The following ADARB2 variants were observed in gnomAD, a reference collection of about 807,000 sequenced individuals.
ADARB2 encodes the protein adenosine deaminase RNA specific B2 (inactive), also known as inactive double-stranded RNA-specific editase B2.
ADARB2 carries 25 observed loss-of-function variants against 62.2 expected under a neutral mutation model. That is an observed-to-expected ratio of 0.40 (90% CI 0.29 to 0.56). The LOEUF (loss-of-function observed/expected upper bound fraction) is 0.56, where lower values mean the gene tolerates loss of function less well. ADARB2 is among the 20% of genes least tolerant of loss of function. The pLI is 0.43. For synonymous variants in ADARB2, 572 were observed against 500.8 expected (o/e 1.14, Z -1.90); for missense variants, 1,071 against 1,077.4 (o/e 0.99, Z 0.08).
chr10:1,240,182 GCCTCCCGGTGTTTACTCCCCCCTC>G (rs1830897916), intron 5 of ADARB2, among the ~76,000 whole-genome samples: 2 of 10,604 alleles, frequency 1.9e-4, no homozygotes, highest in Non-Finnish European at 1.5e-4. Context: ...ACTCCCCTCT[GCCTCCCGGTGTTTACTCCCCCCTC>G]CCTCCCGGTG....
At chr10:1,631,658 C>T (rs768249203) in intron 1 of ADARB2, among the ~76,000 whole-genome samples, 18 of 152,152 alleles carry the variant, frequency 1.2e-4, no homozygotes, top group Non-Finnish European at 2.4e-4. Context: ...TGTCTGTCTA[C>T]TGGAGATCTT....
chr10:1,310,855 T>A (rs1248306577), intron 3 of ADARB2, among the ~76,000 whole-genome samples: 1 of 152,216 alleles, frequency 6.6e-6, no homozygotes, highest in African/African-American at 2.4e-5. Context: ...TAACTTGGAT[T>A]AAAAATAAGT....
intron 3 of ADARB2, among the ~76,000 whole-genome samples, chr10:1,305,511 C>T (rs1831618640): frequency 6.6e-6 from 1 of 151,996 alleles, no homozygotes; most frequent in African/African-American, 2.4e-5. Flanking sequence ...GAAACTATTC[C>T]AATCAATAGA....
chr10:1,284,859 G>T (rs185576318), intron 3 of ADARB2, among the ~76,000 whole-genome samples: 3 of 152,134 alleles, frequency 2.0e-5, no homozygotes, highest in Non-Finnish European at 4.4e-5. Flanking sequence ...GGGAGAGGAA[G>T]GTGGGCCTTA....
At chr10:1,594,108 A>C (rs956024436) in intron 1 of ADARB2, among the ~76,000 whole-genome samples, 5 of 152,042 alleles carry the variant, frequency 3.3e-5, no homozygotes, top group African/African-American at 1.2e-4. Context: ...TGGCCAACAT[A>C]GTGAAACCCT....
chr10:1,672,738 C>T lies in ADARB2; in HGVS notation c.100+64313G>A, dbSNP rs113342032. Reference sequence around the variant, plus strand: ...TGCCTCCTCCACGCACCGCAAGGCTCCTGCCTCCCTCCCTCCACGCACACA... The same window carrying T: ...TGCCTCCTCCACGCACCGCAAGGCTTCTGCCTCCCTCCCTCCACGCACACA... On this transcript the variant is annotated intron_variant, in intron 1 of 9. Transcript: ENST00000381312. Among the ~76,000 whole-genome samples the T allele has an allele frequency of 1.7e-3, 209 of 123,696 alleles. 1 individual carries two copies. Among genetic ancestry groups the T allele is most frequent in the Middle Eastern group, 4.5e-3 (1 of 224 alleles). 81.1% of individuals were successfully genotyped at this position (123,696 alleles called of 152,430 possible).
At chr10:1,376,226 A>G (rs1179307587) in intron 2 of ADARB2, among the ~76,000 whole-genome samples, 1 of 151,482 alleles carries the variant, frequency 6.6e-6, no homozygotes, top group Non-Finnish European at 1.5e-5. Context: ...AATCTATGAA[A>G]ATAAAGTAAA....
chr10:1,516,179 T>A (rs931368461), intron 1 of ADARB2, among the ~76,000 whole-genome samples: 3 of 152,132 alleles, frequency 2.0e-5, no homozygotes, highest in African/African-American at 7.2e-5. Context: ...CCGGCCTCAT[T>A]GCGGGCTGAC....
At position 1,430,672 on chromosome 10, in the gene ADARB2, G is replaced by A. The variant is rs543061780; in HGVS notation, c.101-51512C>T. Among the ~76,000 whole-genome samples the A allele has an allele frequency of 1.3e-4, 20 of 152,190 alleles. No individual in the cohort carries two copies. In the South Asian group the frequency reaches 3.3e-3, roughly 25 times the overall value. On this transcript the variant is annotated intron_variant, in intron 1 of 9. Coordinates refer to ENST00000381312, the MANE Select transcript of ADARB2 (RefSeq NM_018702.4). ...GGAGAATCACTTGAATCTGGGAGGC[G>A]GAGGTTGCAGTGAGCTGAGATCATG... is the stretch of plus-strand genomic sequence containing the variant.
chr10:1,727,893 TAAATA>T (rs1273737017), intron 1 of ADARB2, among the ~76,000 whole-genome samples: 1 of 152,170 alleles, frequency 6.6e-6, no homozygotes, highest in Non-Finnish European at 1.5e-5. Flanking sequence ...AATAAATAAA[TAAATA>T]AGACTCATGC....
intron 1 of ADARB2, among the ~76,000 whole-genome samples, chr10:1,497,714 A>T (rs570116478): frequency 6.6e-6 from 1 of 152,280 alleles, no homozygotes; most frequent in Non-Finnish European, 1.5e-5. Context: ...AAATAAAATT[A>T]TATATAAATG....
At chr10:1,483,805 ATTTCAAC>A (rs922959046) in intron 1 of ADARB2, among the ~76,000 whole-genome samples, 3 of 111,504 alleles carry the variant, frequency 2.7e-5, no homozygotes, top group Non-Finnish European at 5.9e-5. Flanking sequence ...TGCCATAACC[ATTTCAAC>A]TTTCAAAGTA....
Position 1,363,121 on chromosome 10 carries a change from C to T in ADARB2, c.984G>A (p.Arg328=), listed in dbSNP as rs368208673. The T allele has an allele frequency of 5.9e-4, 909 of 1,544,162 alleles. 4 individuals are homozygous for T. In the African/African-American group the frequency reaches 0.012, roughly 20 times the overall value. ...EGSGRSKKLA[R]GQAAQAALQE... ...GCAGTGCGGCCTGCGCGGCCTGACC[C>T]CGGGCCAGCTTCTTGCTGCGCCCCG... Residue 328 remains arginine, a synonymous_variant, in exon 3 of 10, where the codon CGG becomes CGA. Coordinates refer to ENST00000381312, the MANE Select transcript of ADARB2 (RefSeq NM_018702.4).
intron 1 of ADARB2, among the ~76,000 whole-genome samples, chr10:1,551,987 TG>T (rs1200060410): frequency 6.6e-6 from 1 of 151,920 alleles, no homozygotes; most frequent in Non-Finnish European, 1.5e-5. Flanking sequence ...GTGAGGTGAG[TG>T]AGGCTGAGCG....
chr10:1,648,312 G>A (rs567814840), intron 1 of ADARB2, among the ~76,000 whole-genome samples: 125 of 152,124 alleles, frequency 8.2e-4, no homozygotes, highest in Non-Finnish European at 1.1e-3. Context: ...ACACAACCAG[G>A]CACAAAGTCA....
chr10:1,577,547 T>C (rs1219707210), intron 1 of ADARB2, among the ~76,000 whole-genome samples: 4 of 152,204 alleles, frequency 2.6e-5, no homozygotes, highest in African/African-American at 9.6e-5. Flanking sequence ...ACTGACGTCA[T>C]TGAGACCAGG....
intron 4 of ADARB2, 109 bp downstream of exon 4, chr10:1,270,846 T>C: frequency 1.1e-6 from 1 of 925,170 alleles, no homozygotes; most frequent in African/African-American, 1.7e-5. Flanking sequence ...TCTTTCTTTG[T>C]CACAGCCTGT....
intron 1 of ADARB2, among the ~76,000 whole-genome samples, chr10:1,697,720 G>T: frequency 6.6e-6 from 1 of 152,232 alleles, no homozygotes; most frequent in South Asian, 2.1e-4. Flanking sequence ...AGTCCCCGGC[G>T]GGCTGACGGA....
chr10:1,527,572 A>G (rs1832164682), intron 1 of ADARB2, among the ~76,000 whole-genome samples: 2 of 152,282 alleles, frequency 1.3e-5, no homozygotes, highest in Non-Finnish European at 2.9e-5. Flanking sequence ...CTTGCTATAC[A>G]TAACAGGATG....
Sources: gnomAD v4.1 joint callset for allele counts (sites outside exome capture counted in the v4.1 genomes callset) on GRCh38, gnomAD v4.1.1 for gene constraint, MANE v1.5 for transcripts, NCBI Gene and HGNC (gene_info 2026-07-23, HGNC 2026-07-21) for gene names.